Variants in STRN observed in about 807,000 individuals in gnomAD.
The protein encoded by STRN is protein phosphatase 2 regulatory subunit B'''alpha.
In STRN, 53 loss-of-function variants were observed where a neutral mutation model predicts 96.3. The ratio of observed to expected loss-of-function variants is 0.55; its 90% CI spans 0.44 to 0.69. STRN has a LOEUF of 0.69. Among genes scored for constraint, STRN ranks in the 30% least tolerant of loss-of-function variants. The pLI is 0.00. For synonymous variants in STRN, 428 were observed against 355.9 expected (o/e 1.20, Z -2.28); for missense variants, 987 against 963.9 (o/e 1.02, Z -0.32).
intron 12 of STRN, among the ~76,000 whole-genome samples, chr2:36,861,508 C>T (rs1034219456): frequency 6.6e-6 from 1 of 152,086 alleles, no homozygotes; most frequent in Non-Finnish European, 1.5e-5. Flanking sequence ...ATGGTCTTTA[C>T]ATTTTTAAAG....
rs1667945893 is a variant in STRN, at chr2:36,841,313, T to C, written c.*8143A>G. The C allele has an allele frequency of 6.6e-6, 1 of 152,108 alleles. No homozygotes were observed. The highest frequency in any genetic ancestry group is 1.5e-5 in the Non-Finnish European group (1 of 68,028). The allele number at this position is 152,108 out of a possible 1,614,324, so 9.4% of individuals were successfully genotyped here. A position where few individuals can be genotyped will look rare whatever the true frequency, so the allele number is the denominator to read the frequency against. ...CTGACCCTGAGATATACAAGGAAAC[T>C]GAACAAATACCAGGCAGCAAAATAC... On this transcript the variant is annotated 3_prime_UTR_variant, in exon 18 of 18. Transcript: ENST00000263918.
At chr2:36,870,851 G>A (rs1400182929) in intron 10 of STRN, among the ~76,000 whole-genome samples, 2 of 152,196 alleles carry the variant, frequency 1.3e-5, no homozygotes, top group Non-Finnish European at 2.9e-5. Context: ...GACTGTGACT[G>A]CCCCTGAAGA....
At chr2:36,942,540 G>C (rs1057164026) in intron 1 of STRN, among the ~76,000 whole-genome samples, 2 of 152,098 alleles carry the variant, frequency 1.3e-5, no homozygotes, top group Non-Finnish European at 2.9e-5. Context: ...TTTTTAAAAA[G>C]ATTTCCCATG....
At chr2:36,880,048 C>A (rs996941343) in intron 9 of STRN, among the ~76,000 whole-genome samples, 1 of 152,182 alleles carries the variant, frequency 6.6e-6, no homozygotes, top group East Asian at 1.9e-4. Context: ...CTCACTGCAA[C>A]GTACACCTCC....
Position 36,847,226 on chromosome 2 carries a change from A to G in STRN, c.*2230T>C, listed in dbSNP as rs1412014057. ...TCCACTCACTGACAGAAAAATTTCA[A>G]CCATGAAGCATAAAATGAACGGGGG... On this transcript the variant is annotated 3_prime_UTR_variant, in exon 18 of 18. Transcript: ENST00000263918. 6.6e-6 allele frequency: 1 copy of G among 152,180 alleles called. No individual in the cohort carries two copies. Among genetic ancestry groups the G allele is most frequent in the East Asian group, 1.9e-4 (1 of 5,192 alleles). The allele number at this position is 152,180 out of a possible 1,614,324, so 9.4% of individuals were successfully genotyped here.
intron 12 of STRN, among the ~76,000 whole-genome samples, chr2:36,865,590 C>G (rs1487811086): frequency 6.6e-6 from 1 of 152,030 alleles, no homozygotes. Flanking sequence ...GAGATGGAAT[C>G]TCACTCTGTC....
rs146862549 is a variant in STRN at position 36,910,122 on chromosome 2, G to A, written c.413-4504C>T. 5.7e-3 allele frequency among the ~76,000 whole-genome samples: 854 copies of A among 148,990 alleles called. 9 individuals are homozygous for A. Among genetic ancestry groups the A allele is most frequent in the African/African-American group, 0.02 (789 of 39,800 alleles). Reference sequence around the variant, plus strand: ...TGGGAGGCGGAGGCTGCAGTGAGCCGAGATCGTGGCGTCACACTCCAGCCT... The same window carrying A: ...TGGGAGGCGGAGGCTGCAGTGAGCCAAGATCGTGGCGTCACACTCCAGCCT... On this transcript the variant is annotated intron_variant, in intron 3 of 17. Coordinates refer to ENST00000263918, the MANE Select transcript of STRN (RefSeq NM_003162.4).
Position 36,841,021 on chromosome 2 carries a change from T to C in STRN, c.*8435A>G, listed in dbSNP as rs1412896612. ...AATTGGACACCTCAAGGGCACAAAA[T>C]TGCCTGGAACTACAACCTTCAAGTT... On this transcript the variant is annotated 3_prime_UTR_variant, in exon 18 of 18. Transcript: ENST00000263918. The C allele has an allele frequency of 6.6e-6, 1 of 152,164 alleles. No homozygotes were observed. The highest frequency in any genetic ancestry group is 2.4e-5 in the African/African-American group (1 of 41,450). The allele number at this position is 152,164 out of a possible 1,614,324, so 9.4% of individuals were successfully genotyped here.
chr2:36,873,031 G>T (rs1312649496), intron 10 of STRN, among the ~76,000 whole-genome samples: 2 of 143,920 alleles, frequency 1.4e-5, no homozygotes, highest in Non-Finnish European at 3.0e-5. Context: ...GTGTCATGGG[G>T]ATACAAACTG....
At chr2:36,885,785 T>C (rs1257592143) in intron 8 of STRN, among the ~76,000 whole-genome samples, 1 of 152,154 alleles carries the variant, frequency 6.6e-6, no homozygotes, top group Non-Finnish European at 1.5e-5. Flanking sequence ...TTTCCAGTCT[T>C]TCGCAACTTT....
chr2:36,911,836 A>G (rs1212537261), intron 3 of STRN, among the ~76,000 whole-genome samples: 1 of 152,110 alleles, frequency 6.6e-6, no homozygotes, highest in African/African-American at 2.4e-5. Context: ...GTGCCTCTAC[A>G]TACACTCATG....
chr2:36,882,871 A>G (rs1193755489), intron 9 of STRN, among the ~76,000 whole-genome samples: 1 of 152,204 alleles, frequency 6.6e-6, no homozygotes, highest in Non-Finnish European at 1.5e-5. Context: ...TATGTACTTC[A>G]AAATCAATTT....
intron 1 of STRN, among the ~76,000 whole-genome samples, chr2:36,941,801 C>A (rs530972807): frequency 6.6e-6 from 1 of 151,796 alleles, no homozygotes. Flanking sequence ...GATCCCCCAA[C>A]CTCGGCCTCC....
chr2:36,921,693 ATTTT>A (rs961039519), intron 2 of STRN, among the ~76,000 whole-genome samples: 2 of 120,468 alleles, frequency 1.7e-5, no homozygotes, highest in African/African-American at 3.6e-5. Context: ...TCTACTTAAA[ATTTT>A]TTTTTTGTTG....
At chr2:36,863,620 GTTCTTTTTGCT>G (rs1187447325) in intron 12 of STRN, among the ~76,000 whole-genome samples, 1 of 152,240 alleles carries the variant, frequency 6.6e-6, no homozygotes, top group African/African-American at 2.4e-5. Flanking sequence ...CTCCAGCTTT[GTTCTTTTTGCT>G]TAGGATTGCC....
intron 1 of STRN, among the ~76,000 whole-genome samples, chr2:36,947,029 G>C (rs1224380572): frequency 6.6e-6 from 1 of 151,958 alleles, no homozygotes; most frequent in Non-Finnish European, 1.5e-5. Flanking sequence ...CTGAGTAGCA[G>C]GGACTACAGG....
intron 6 of STRN, 78 bp from the exon 7 acceptor site, chr2:36,894,111 T>G: frequency 6.6e-7 from 1 of 1,510,636 alleles, no homozygotes; most frequent in South Asian, 1.3e-5. Flanking sequence ...AATTATTTTC[T>G]TCAGAAAGTA....
intron 15 of STRN, among the ~76,000 whole-genome samples, chr2:36,851,600 T>C (rs1390050848): frequency 1.3e-5 from 2 of 152,256 alleles, no homozygotes; most frequent in Non-Finnish European, 2.9e-5. Flanking sequence ...GAGAATTGCC[T>C]GATAAATCTG....
intron 10 of STRN, among the ~76,000 whole-genome samples, chr2:36,871,865 T>C (rs1668769811): frequency 6.6e-6 from 1 of 151,950 alleles, no homozygotes; most frequent in Non-Finnish European, 1.5e-5. Context: ...GAAGTTACCC[T>C]CAATAAAACA....
Sources: gnomAD v4.1 joint callset for allele counts (sites outside exome capture counted in the v4.1 genomes callset) on GRCh38, gnomAD v4.1.1 for gene constraint, MANE v1.5 for transcripts, NCBI Gene and HGNC (gene_info 2026-07-23, HGNC 2026-07-21) for gene names.